Variants in ATP9B observed in about 807,000 individuals in gnomAD.
The protein encoded by ATP9B is ATPase phospholipid transporting 9B, also known as probable phospholipid-transporting ATPase IIB.
Under a neutral mutation model 146.1 loss-of-function variants are expected in ATP9B, and 110 were observed. That is an observed-to-expected ratio of 0.75 (90% CI 0.65 to 0.88). The LOEUF (loss-of-function observed/expected upper bound fraction) is 0.88. Among genes scored for constraint, ATP9B ranks in the 40% least tolerant of loss-of-function variants. The pLI is 0.00. For missense variants in ATP9B, 1,499 were observed against 1,496.4 expected, an observed-to-expected ratio of 1.00 and a Z score of -0.03; for synonymous variants, 604 against 569.7, an observed-to-expected ratio of 1.06 and a Z score of -0.86.
intron 10 of ATP9B, 137 bp from the exon 11 acceptor site, chr18:79,213,825 T>C (rs2148416261): frequency 3.0e-6 from 2 of 666,066 alleles, no homozygotes; most frequent in Non-Finnish European, 4.8e-6. Context: ...ATTAGCCAAA[T>C]TAAATACACT....
rs1365901886 is a variant in ATP9B, at chr18:79,239,952, CA to C, written c.1108-13428del. ...TCCCCATCAGCGGTGACCAGCAGAT[CA>C]CCACGCCTCAGGGGCCCCACACCCG... is the stretch of plus-strand genomic sequence containing the variant. On this transcript the variant is annotated intron_variant, in intron 11 of 29. Transcript: ENST00000426216. This position sits in a 1 kb window ranked among gnomAD's most constrained non-coding sequence, Gnocchi z 5.1. Among the ~76,000 whole-genome samples the C allele has an allele frequency of 3.9e-5, 6 of 152,206 alleles. No individual in the cohort carries two copies. Among genetic ancestry groups the C allele is most frequent in the Non-Finnish European group, 8.8e-5 (6 of 68,038 alleles).
At position 79,342,294 on chromosome 18, in the gene ATP9B, C is replaced by T; in HGVS notation, c.2310C>T (p.Leu770=). The T allele has an allele frequency of 6.2e-7, 1 of 1,613,480 alleles. No individual in the cohort carries two copies. The highest frequency in any genetic ancestry group is 8.5e-7 in the Non-Finnish European group (1 of 1,179,612). The change falls in exon 20 of 30, where the codon CTC becomes CTT. Residue 770 remains leucine, a synonymous_variant. Coordinates refer to ENST00000426216, the MANE Select transcript of ATP9B (RefSeq NM_198531.5). The stretch of plus-strand genomic sequence containing the variant: ...TATGGATGCTAACAGGCGATAAACT[C>T]GAGACAGCTACCTGCATTGCCAAAA... ...IKIWMLTGDK[L]ETATCIAKSS...
intron 12 of ATP9B, among the ~76,000 whole-genome samples, chr18:79,268,462 C>A (rs1201004499): frequency 6.6e-6 from 1 of 151,914 alleles, no homozygotes; most frequent in East Asian, 1.9e-4. Context: ...TTTTGTAATG[C>A]AACTTTTTTC....
intron 6 of ATP9B, among the ~76,000 whole-genome samples, chr18:79,152,203 G>A (rs2094700922): frequency 6.6e-6 from 1 of 152,206 alleles, no homozygotes; most frequent in African/African-American, 2.4e-5. Context: ...TGGAGAAATA[G>A]GAACGCTTTT....
intron 1 of ATP9B, among the ~76,000 whole-genome samples, 187 bp from the exon 2 acceptor site, chr18:79,096,289 C>T (rs1051023196): frequency 1.3e-5 from 2 of 152,158 alleles, no homozygotes; most frequent in East Asian, 1.9e-4. Context: ...GCACAGGTCT[C>T]GTTGGGCAGC....
intron 7 of ATP9B, 60 bp downstream of exon 7, chr18:79,154,615 A>G (rs1009813173): frequency 4.3e-6 from 5 of 1,152,646 alleles, no homozygotes; most frequent in Admixed American, 2.7e-5. Flanking sequence ...CAAATTTACA[A>G]ATATCTATAC....
intron 26 of ATP9B, among the ~76,000 whole-genome samples, chr18:79,365,054 A>C (rs2097018254): frequency 6.6e-6 from 1 of 152,064 alleles, no homozygotes; most frequent in South Asian, 2.1e-4. Context: ...TTTCTCTCTG[A>C]ATGATACTGT....
intron 6 of ATP9B, among the ~76,000 whole-genome samples, chr18:79,149,279 G>A (rs913423242): frequency 1.3e-5 from 2 of 152,174 alleles, no homozygotes; most frequent in Non-Finnish European, 2.9e-5. Flanking sequence ...ATATTGCGTA[G>A]TTACATTAGT....
At chr18:79,293,215 A>C (rs568927602) in intron 13 of ATP9B, among the ~76,000 whole-genome samples, 9 of 151,812 alleles carry the variant, frequency 5.9e-5, no homozygotes, top group Admixed American at 5.9e-4. Context: ...TCATAGACCT[A>C]AATACAAACA....
intron 2 of ATP9B, among the ~76,000 whole-genome samples, chr18:79,107,045 G>C (rs181118676): frequency 2.4e-4 from 36 of 152,198 alleles, no homozygotes; most frequent in African/African-American, 7.7e-4. Context: ...TCTGACTTTT[G>C]TATACTAGAA....
chr18:79,346,441 A>G (rs2096888252), intron 23 of ATP9B, among the ~76,000 whole-genome samples: 2 of 151,218 alleles, frequency 1.3e-5, no homozygotes, highest in Non-Finnish European at 1.5e-5. Flanking sequence ...GCACGTGCTC[A>G]GCGCACAGTC....
intron 4 of ATP9B, among the ~76,000 whole-genome samples, chr18:79,121,798 C>A (rs508315): frequency 0.13 from 20,037 of 152,132 alleles, 1,913 homozygotes; most frequent in African/African-American, 0.27. Flanking sequence ...TGCCTGTGAC[C>A]AGGATCTTGT....
Position 79,079,363 on chromosome 18 carries a change from G to A in ATP9B, c.119+9834G>A, listed in dbSNP as rs201862684. The stretch of plus-strand genomic sequence containing the variant: ...TTTAGTGATTACCATTCTAACTGGC[G>A]TGAGATGGTATCTCATTGTGGTTTT... On this transcript the variant is annotated intron_variant, in intron 1 of 29. Coordinates refer to ENST00000426216, the MANE Select transcript of ATP9B (RefSeq NM_198531.5). Among the ~76,000 whole-genome samples the A allele has an allele frequency of 5.9e-5, 9 of 152,276 alleles. No individual in the cohort carries two copies. In the East Asian group the frequency reaches 9.6e-4, roughly 16 times the overall value.
At chr18:79,325,927 C>T (rs1435773930) in intron 15 of ATP9B, among the ~76,000 whole-genome samples, 3 of 147,526 alleles carry the variant, frequency 2.0e-5, no homozygotes, top group African/African-American at 2.5e-5. Context: ...TCTGTACCCT[C>T]CCTCCCCTCA....
intron 11 of ATP9B, among the ~76,000 whole-genome samples, chr18:79,248,356 G>A (rs1227726016): frequency 6.6e-6 from 1 of 152,186 alleles, no homozygotes; most frequent in Non-Finnish European, 1.5e-5. Flanking sequence ...ACAAATGAAG[G>A]TCTGAAAATT....
chr18:79,330,165 ACT>A, intron 17 of ATP9B, 61 bp downstream of exon 17: 1 of 1,449,188 alleles, frequency 6.9e-7, no homozygotes. Context: ...TATGTGAGTG[ACT>A]CTCAGCCTGG....
At chr18:79,136,994 T>G (rs2094455166) in intron 5 of ATP9B, among the ~76,000 whole-genome samples, 1 of 152,192 alleles carries the variant, frequency 6.6e-6, no homozygotes, top group Admixed American at 6.5e-5. Flanking sequence ...ATGATTCATT[T>G]ACCTCCCACC....
At chr18:79,149,721 A>G (rs2094652019) in intron 6 of ATP9B, among the ~76,000 whole-genome samples, 1 of 147,148 alleles carries the variant, frequency 6.8e-6, no homozygotes, top group South Asian at 2.1e-4. Flanking sequence ...TAAAAAAAAA[A>G]AAAATTTGAA....
intron 12 of ATP9B, among the ~76,000 whole-genome samples, chr18:79,256,344 T>G (rs1447259322): frequency 1.4e-5 from 2 of 147,570 alleles, no homozygotes; most frequent in African/African-American, 5.0e-5. Flanking sequence ...GCTCTTATTA[T>G]TCTGGTGAAT....
Sources: allele counts gnomAD v4.1 joint callset (sites outside exome capture counted in the v4.1 genomes callset), GRCh38; gene constraint gnomAD v4.1.1; non-coding constraint Gnocchi (gnomAD v3.1); transcripts MANE v1.5; gene names NCBI Gene and HGNC (gene_info 2026-07-23, HGNC 2026-07-21).